TENM2: variants seen among roughly 807,000 people sequenced by gnomAD.
TENM2 encodes the protein teneurin transmembrane protein 2.
Under a neutral mutation model 245.2 loss-of-function variants are expected in TENM2, and 52 were observed. The observed-to-expected ratio is 0.21, with a 90% CI of 0.17 to 0.27. The LOEUF (loss-of-function observed/expected upper bound fraction) is 0.27, where lower values mean the gene tolerates loss of function less well. TENM2 is among the 10% of genes least tolerant of loss of function. The probability of loss-of-function intolerance (pLI) is 1.00; values close to 1 mark genes in which losing one functional copy is unlikely to be tolerated. For missense variants in TENM2, 3,046 were observed against 3,666.8 expected (o/e 0.83, Z 4.37); for synonymous variants, 1,363 against 1,438.9 (o/e 0.95, Z 1.19).
rs35059289 is a variant in TENM2, at chr5:167,336,176, C to CTTTT, written c.227-39001_227-38998dup. 2.8e-4 allele frequency among the ~76,000 whole-genome samples: 23 copies of CTTTT among 83,104 alleles called. 2 individuals carry two copies. The highest frequency in any genetic ancestry group is 5.1e-4 in the South Asian group (1 of 1,966). 54.5% of individuals were successfully genotyped at this position (83,104 alleles called of 152,430 possible). ...TCATCCAATGTTCTTTTCATTTCTC[C>CTTTT]TTTTTTTTTTTTTTTTTTTTTTTTC... On this transcript the variant is annotated intron_variant, in intron 1 of 28. Transcript: ENST00000518659.
At chr5:167,173,493 A>G in the TENM2 span, among the ~76,000 whole-genome samples, 1 of 152,180 alleles carries the variant, frequency 6.6e-6, no homozygotes, top group Non-Finnish European at 1.5e-5. Context: ...AACACAGCTT[A>G]TAATGTCTTT....
intron 2 of TENM2, among the ~76,000 whole-genome samples, chr5:167,724,203 G>T (rs1423580574): frequency 6.6e-6 from 1 of 151,988 alleles, no homozygotes; most frequent in Non-Finnish European, 1.5e-5. Context: ...TAGTACACCC[G>T]TTAGGCCTCA....
intron 25 of TENM2, among the ~76,000 whole-genome samples, chr5:168,232,549 G>A (rs542564783): frequency 6.6e-6 from 1 of 152,232 alleles, no homozygotes; most frequent in African/African-American, 2.4e-5. Context: ...GAGAGAATGT[G>A]TGGGTATCAT....
At chr5:167,577,784 C>T (rs1009230087) in intron 2 of TENM2, among the ~76,000 whole-genome samples, 13 of 151,960 alleles carry the variant, frequency 8.6e-5, no homozygotes, top group African/African-American at 2.9e-4. Flanking sequence ...CGAATTGCAC[C>T]CCTAACAACA....
chr5:167,837,861 G>C lies in TENM2; in HGVS notation c.503-38125G>C, dbSNP rs1046001375. Among the ~76,000 whole-genome samples, 32 of 151,584 alleles carry C rather than the reference G, an allele frequency of 2.1e-4. 1 individual carries two copies. The highest frequency in any genetic ancestry group is 1.0e-4 in the Non-Finnish European group (7 of 67,964). ...ACGCATTTGCAGTAGGTGCATCTTA[G>C]TGCATCTACTTAGCGCAGCATATGA... On this transcript the variant is annotated intron_variant, in intron 2 of 28. Coordinates refer to ENST00000518659, the Ensembl canonical transcript of TENM2.
At chr5:168,209,789 C>T (rs760535713) in intron 19 of TENM2, among the ~76,000 whole-genome samples, 1 of 152,198 alleles carries the variant, frequency 6.6e-6, no homozygotes, top group Admixed American at 6.5e-5. Flanking sequence ...CCCTAACTCT[C>T]TCCTGGGCCT....
At chr5:167,238,798 T>G in the TENM2 span, among the ~76,000 whole-genome samples, 1 of 152,098 alleles carries the variant, frequency 6.6e-6, no homozygotes, top group African/African-American at 2.4e-5. Flanking sequence ...AATAGTCAAT[T>G]TGTATGATCT....
chr5:168,053,596 A>G (rs978236895), intron 6 of TENM2, among the ~76,000 whole-genome samples: 1 of 152,246 alleles, frequency 6.6e-6, no homozygotes, highest in African/African-American at 2.4e-5. Flanking sequence ...ATGATAGTAT[A>G]ACAACTATTT....
intron 12 of TENM2, among the ~76,000 whole-genome samples, chr5:168,158,941 A>G (rs1757499225): frequency 6.8e-6 from 1 of 146,966 alleles, no homozygotes; most frequent in South Asian, 2.1e-4. Flanking sequence ...GTATATACGT[A>G]TATACATATA....
At chr5:167,374,612 C>T (rs574984793) in intron 1 of TENM2, among the ~76,000 whole-genome samples, 1 of 152,166 alleles carries the variant, frequency 6.6e-6, no homozygotes, top group African/African-American at 2.4e-5. Context: ...CTAGGACGGG[C>T]ACCCAGGTCT....
intron 2 of TENM2, among the ~76,000 whole-genome samples, chr5:167,567,584 A>G (rs111956991): frequency 6.6e-6 from 1 of 152,166 alleles, no homozygotes; most frequent in East Asian, 1.9e-4. Flanking sequence ...GGAAAACGAT[A>G]TGCTTCCAGA....
intron 5 of TENM2, among the ~76,000 whole-genome samples, chr5:168,046,665 C>T (rs1788634344): frequency 6.6e-6 from 1 of 152,116 alleles, no homozygotes; most frequent in Non-Finnish European, 1.5e-5. Flanking sequence ...AGTTCCTTAG[C>T]AAAGAACAGG....
chr5:167,263,116 AG>A, the TENM2 span, among the ~76,000 whole-genome samples: 18 of 152,096 alleles, frequency 1.2e-4, no homozygotes, highest in Admixed American at 3.3e-4. Context: ...AGAATTTGGG[AG>A]GGGGTACAAA....
At chr5:167,579,246 G>C (rs563134271) in intron 2 of TENM2, among the ~76,000 whole-genome samples, 1 of 152,220 alleles carries the variant, frequency 6.6e-6, no homozygotes, top group South Asian at 2.1e-4. Flanking sequence ...TTATTGTCTC[G>C]TACCTTGAAT....
chr5:167,908,961 C>A lies in TENM2; in HGVS notation c.712+32766C>A, dbSNP rs185998128. Among the ~76,000 whole-genome samples the A allele has an allele frequency of 5.8e-3, 876 of 151,562 alleles. 1 individual carries two copies. Among genetic ancestry groups the A allele is most frequent in the Non-Finnish European group, 8.6e-3 (587 of 67,894 alleles). On this transcript the variant is annotated intron_variant, in intron 3 of 28. Coordinates refer to ENST00000518659, the Ensembl canonical transcript of TENM2. ...TGCCTTTCAATTTATGGAAAGGGGT[C>A]ATATATTTTAGTGGTTATGCATGAC...
chr5:167,516,513 T>G (rs1770388114), intron 2 of TENM2, among the ~76,000 whole-genome samples: 1 of 152,196 alleles, frequency 6.6e-6, no homozygotes, highest in South Asian at 2.1e-4. Context: ...AGTAACTTAA[T>G]GTGGCGATTA....
chr5:168,257,733 A>G (rs901701459), intron 27 of TENM2, among the ~76,000 whole-genome samples: 2 of 151,052 alleles, frequency 1.3e-5, no homozygotes, highest in Non-Finnish European at 2.9e-5. Flanking sequence ...CTCCTGCCTC[A>G]GCCTCCCAGG....
At chr5:168,094,330 G>A (rs1484075741) in intron 8 of TENM2, among the ~76,000 whole-genome samples, 1 of 152,024 alleles carries the variant, frequency 6.6e-6, no homozygotes, top group Non-Finnish European at 1.5e-5. Context: ...GAGCTTCCTG[G>A]ACCTTTGCTG....
At chr5:167,782,647 CA>C (rs987025242) in intron 2 of TENM2, among the ~76,000 whole-genome samples, 1 of 151,920 alleles carries the variant, frequency 6.6e-6, no homozygotes, top group Non-Finnish European at 1.5e-5. Flanking sequence ...GATGTAAAAA[CA>C]AAAAAATTAC....
Sources: gnomAD v4.1 joint callset for allele counts (sites outside exome capture counted in the v4.1 genomes callset) on GRCh38, gnomAD v4.1.1 for gene constraint, MANE v1.5 for transcripts, NCBI Gene and HGNC (gene_info 2026-07-23, HGNC 2026-07-21) for gene names.